Variants in KDM4C observed in about 807,000 individuals in gnomAD.
The protein encoded by KDM4C is lysine-specific demethylase 4C.
KDM4C carries 81 observed loss-of-function variants against 129.3 expected under a neutral mutation model. The ratio of observed to expected loss-of-function variants is 0.63; its 90% CI spans 0.52 to 0.75. KDM4C has a LOEUF of 0.75. Ranked by LOEUF, KDM4C falls within the 30% of genes least tolerant of loss-of-function variation. The probability of loss-of-function intolerance (pLI) is 0.00; values close to 1 mark genes in which losing one functional copy is unlikely to be tolerated. For missense variants in KDM4C, 1,457 were observed against 1,304.0 expected (o/e 1.12, Z -1.81); for synonymous variants, 573 against 456.1 (o/e 1.26, Z -3.26).
intron 1 of KDM4C, among the ~76,000 whole-genome samples, chr9:6,781,391 T>C (rs1824309636): frequency 1.3e-5 from 2 of 152,276 alleles, no homozygotes; most frequent in Non-Finnish European, 2.9e-5. Flanking sequence ...TGTGTTTTTT[T>C]TTTAAAGACA....
At chr9:7,087,095 T>G (rs1193565859) in intron 17 of KDM4C, among the ~76,000 whole-genome samples, 1 of 151,326 alleles carries the variant, frequency 6.6e-6, no homozygotes, top group African/African-American at 2.4e-5. Flanking sequence ...GGCTCTTTTT[T>G]TTTTTTTCAC....
At chr9:7,077,038 G>A in intron 17 of KDM4C, 1 of 985,460 alleles carries the variant, frequency 1.0e-6, no homozygotes, top group Non-Finnish European at 1.2e-6. Context: ...GCACAACAAA[G>A]CAACTGAACG....
intron 18 of KDM4C, among the ~76,000 whole-genome samples, chr9:7,119,946 T>C (rs929924855): frequency 1.3e-5 from 2 of 152,190 alleles, no homozygotes; most frequent in African/African-American, 4.8e-5. Context: ...GTGAGCTATT[T>C]GAGAGAAGGG....
At chr9:6,728,754 G>A (rs368193972) in intron 1 of KDM4C, among the ~76,000 whole-genome samples, 18 of 151,744 alleles carry the variant, frequency 1.2e-4, no homozygotes, top group African/African-American at 4.4e-4. Context: ...GCTGAGGCAG[G>A]AGAATCGCCT....
chr9:6,921,809 C>G (rs1401980675), intron 8 of KDM4C, among the ~76,000 whole-genome samples: 1 of 152,036 alleles, frequency 6.6e-6, no homozygotes, highest in Admixed American at 6.6e-5. Flanking sequence ...TCTTTGACTT[C>G]GAGTTTTACC....
chr9:6,927,565 C>T (rs964596566), intron 8 of KDM4C, among the ~76,000 whole-genome samples: 4 of 152,184 alleles, frequency 2.6e-5, no homozygotes, highest in East Asian at 1.9e-4. Flanking sequence ...GTAGGACTTG[C>T]TCCCCAAAAG....
intron 1 of KDM4C, among the ~76,000 whole-genome samples, chr9:6,778,292 G>T (rs903323240): frequency 6.6e-6 from 1 of 150,996 alleles, no homozygotes; most frequent in Admixed American, 6.6e-5. Context: ...GTTTCACCAT[G>T]TTGGCCAGGC....
intron 1 of KDM4C, among the ~76,000 whole-genome samples, chr9:6,788,126 A>G: frequency 6.6e-6 from 1 of 152,032 alleles, no homozygotes; most frequent in East Asian, 1.9e-4. Context: ...CCTCCGAAGT[A>G]CCTTCCCTTG....
chr9:6,756,367 G>C (rs1321154526), upstream of KDM4C, among the ~76,000 whole-genome samples: 3 of 152,232 alleles, frequency 2.0e-5, no homozygotes, highest in East Asian at 5.8e-4. Flanking sequence ...TTGGGATCCT[G>C]ACGTTACATG....
chr9:6,782,813 A>G (rs1824654653), intron 1 of KDM4C, among the ~76,000 whole-genome samples: 1 of 152,204 alleles, frequency 6.6e-6, no homozygotes, highest in African/African-American at 2.4e-5. Flanking sequence ...ATATAGATGT[A>G]TGGAAGAGAA....
intron 3 of KDM4C, among the ~76,000 whole-genome samples, chr9:6,806,907 C>CGT: frequency 6.6e-6 from 1 of 151,804 alleles, no homozygotes; most frequent in African/African-American, 2.4e-5. Flanking sequence ...TCTCCCTCTC[C>CGT]CTCTCCCTCT....
chr9:7,151,611 G>C (rs1419284472), intron 19 of KDM4C, among the ~76,000 whole-genome samples: 5 of 152,202 alleles, frequency 3.3e-5, no homozygotes, highest in Non-Finnish European at 7.3e-5. Context: ...GGAAGCCAAG[G>C]CTGCAGTGAG....
chr9:7,073,772 C>A (rs1293459216), intron 17 of KDM4C, among the ~76,000 whole-genome samples: 3 of 152,152 alleles, frequency 2.0e-5, no homozygotes, highest in Non-Finnish European at 4.4e-5. Flanking sequence ...ATTAGCCTTG[C>A]AGGGCCCATC....
At chr9:6,856,293 A>T (rs775479902) in intron 5 of KDM4C, among the ~76,000 whole-genome samples, 14 of 152,114 alleles carry the variant, frequency 9.2e-5, no homozygotes, top group Non-Finnish European at 1.8e-4. Context: ...GTAACTTTAG[A>T]CCCAGTAATA....
chr9:6,803,562 C>G (rs1257320297), intron 2 of KDM4C, among the ~76,000 whole-genome samples: 1 of 146,620 alleles, frequency 6.8e-6, no homozygotes, highest in Non-Finnish European at 1.5e-5. Context: ...AAGAGCAAAA[C>G]TCGGTCTCAA....
intron 17 of KDM4C, among the ~76,000 whole-genome samples, chr9:7,052,860 C>A (rs1159343570): frequency 2.6e-4 from 1 of 3,902 alleles, no homozygotes; most frequent in African/African-American, 7.1e-4. Flanking sequence ...CTGGCCACAC[C>A]TGCAGAGAGA....
chr9:7,075,119 G>A (rs1833746186), intron 17 of KDM4C, among the ~76,000 whole-genome samples: 1 of 152,096 alleles, frequency 6.6e-6, no homozygotes, highest in South Asian at 2.1e-4. Context: ...CTGTGATGGT[G>A]GGCATGATAT....
intron 1 of KDM4C, among the ~76,000 whole-genome samples, chr9:6,740,119 A>C (rs796250502): frequency 3.3e-5 from 5 of 152,034 alleles, no homozygotes; most frequent in African/African-American, 1.2e-4. Flanking sequence ...CGATCTCTTG[A>C]CCTCAGGTGA....
intron 12 of KDM4C, among the ~76,000 whole-genome samples, chr9:7,007,141 C>G (rs1161228220): frequency 6.6e-6 from 1 of 152,208 alleles, no homozygotes; most frequent in Non-Finnish European, 1.5e-5. Flanking sequence ...TTAGCCACTG[C>G]TTATGTTTCC....
Sources: allele counts gnomAD v4.1 joint callset (sites outside exome capture counted in the v4.1 genomes callset), GRCh38; gene constraint gnomAD v4.1.1; transcripts MANE v1.5; gene names NCBI Gene and HGNC (gene_info 2026-07-23, HGNC 2026-07-21).